The following DMXL2 variants were observed in gnomAD, a reference collection of about 807,000 sequenced individuals.
DMXL2 encodes the protein Dmx like 2, also known as dmX-like protein 2.
DMXL2 carries 103 observed loss-of-function variants against 331.1 expected under a neutral mutation model. The observed-to-expected ratio is 0.31, with a 90% CI of 0.27 to 0.37. DMXL2 has a LOEUF of 0.37. Among genes scored for constraint, DMXL2 ranks in the 10% least tolerant of loss-of-function variants. The pLI is 1.00. For synonymous variants in DMXL2, 1,281 were observed against 1,252.1 expected (o/e 1.02, Z -0.49); for missense variants, 3,171 against 3,642.9 (o/e 0.87, Z 3.33).
chr15:51,542,587 GGT>G, intron 8 of DMXL2, 80 bp from the exon 9 acceptor site: 2 of 1,104,254 alleles, frequency 1.8e-6, no homozygotes, highest in Non-Finnish European at 2.5e-6. Context: ...ATTATTAAGA[GGT>G]TTAAGATTTT....
At chr15:51,471,594 A>G (rs1325385403) in intron 28 of DMXL2, among the ~76,000 whole-genome samples, 193 bp from the exon 29 acceptor site, 1 of 152,216 alleles carries the variant, frequency 6.6e-6, no homozygotes, top group Non-Finnish European at 1.5e-5. Flanking sequence ...ATGGAGATAA[A>G]GCATTAAAGC....
In DMXL2 at chr15:51,573,020, T is replaced by C. The variant is rs147591979; in HGVS notation, c.213+3036A>G. Reference sequence around the variant, plus strand: ...TATCTCTGTTTGCAGATGACATGATTGTATATTTAGAAAACCCCATTGTCT... The same window carrying C: ...TATCTCTGTTTGCAGATGACATGATCGTATATTTAGAAAACCCCATTGTCT... On this transcript the variant is annotated intron_variant, in intron 2 of 43. Transcript: ENST00000560891. Among the ~76,000 whole-genome samples, 8 of 152,292 alleles carry C rather than the reference T, an allele frequency of 5.3e-5. No homozygotes were observed. The East Asian group carries it at 1.5e-3, about 29-fold the overall frequency.
chr15:51,568,872 A>G (rs754025179), intron 2 of DMXL2, among the ~76,000 whole-genome samples: 4 of 152,152 alleles, frequency 2.6e-5, no homozygotes, highest in Non-Finnish European at 5.9e-5. Context: ...ATGGACACAG[A>G]AGGCAGGTGA....
intron 1 of DMXL2, among the ~76,000 whole-genome samples, chr15:51,611,205 T>C (rs1440732967): frequency 1.3e-5 from 2 of 152,102 alleles, no homozygotes; most frequent in African/African-American, 4.8e-5. Context: ...AAAAGATTAA[T>C]AAAGTTGATA....
intron 13 of DMXL2, among the ~76,000 whole-genome samples, chr15:51,531,075 G>C (rs1169973100): frequency 5.3e-5 from 8 of 152,068 alleles, no homozygotes; most frequent in Admixed American, 4.6e-4. Context: ...AATAGCCAAA[G>C]CTATCCTAAG....
intron 1 of DMXL2, among the ~76,000 whole-genome samples, chr15:51,590,790 C>A (rs1337772939): frequency 6.6e-6 from 1 of 152,178 alleles, no homozygotes; most frequent in African/African-American, 2.4e-5. Context: ...ACCAGGCACA[C>A]AGGGCATAAT....
intron 2 of DMXL2, among the ~76,000 whole-genome samples, chr15:51,569,151 G>A (rs2050487529): frequency 6.6e-6 from 1 of 152,152 alleles, no homozygotes. Context: ...GGTTCAGCGG[G>A]TCCCACCCCC....
chr15:51,517,022 TA>T (rs1381806205), intron 14 of DMXL2, 55 bp downstream of exon 14: 1 of 1,378,258 alleles, frequency 7.3e-7, no homozygotes, highest in African/African-American at 1.4e-5. Flanking sequence ...CATATACATA[TA>T]AAACACCATG....
intron 13 of DMXL2, among the ~76,000 whole-genome samples, chr15:51,523,705 G>A (rs533075953): frequency 1.7e-3 from 260 of 152,316 alleles, no homozygotes; most frequent in Non-Finnish European, 3.2e-3. Context: ...AGGACTGCCA[G>A]GAGCAATCTA....
At chr15:51,539,656 A>C (rs188808057) in intron 9 of DMXL2, among the ~76,000 whole-genome samples, 1 of 152,182 alleles carries the variant, frequency 6.6e-6, no homozygotes, top group East Asian at 1.9e-4. Context: ...AAAAACTACA[A>C]AAATTAGCCA....
At chr15:51,518,898 T>G (rs2047185718) in intron 13 of DMXL2, among the ~76,000 whole-genome samples, 1 of 152,202 alleles carries the variant, frequency 6.6e-6, no homozygotes, top group Non-Finnish European at 1.5e-5. Context: ...TAGTGGAAGA[T>G]ACTACTGGAA....
chr15:51,539,001 G>C (rs1282559089), intron 9 of DMXL2, among the ~76,000 whole-genome samples: 1 of 151,910 alleles, frequency 6.6e-6, no homozygotes, highest in Non-Finnish European at 1.5e-5. Context: ...CCTGAGCTCA[G>C]GAGATCGAGA....
Position 51,564,213 on chromosome 15 carries a change from G to C in DMXL2, c.412C>G (p.Pro138Ala), listed in dbSNP as rs748555822. 3.7e-6 allele frequency: 6 copies of C among 1,608,874 alleles called. No individual in the cohort carries two copies. Among genetic ancestry groups the C allele is most frequent in the Non-Finnish European group, 5.1e-6 (6 of 1,177,966 alleles). ...TCCTCTTCCAGAATATCATCTCCTG[G>C]AGGAGCCCACAACTGAATAGAATCA... The part of the protein sequence containing the change: ...ATDSIQLWAP[P>A]GDDILEEEEE... Residue 138 changes from proline to alanine, a missense_variant, in exon 5 of 44, where the codon CCA (proline) becomes GCA (alanine). Pro to Ala is a conservative substitution (Grantham distance 27). This residue lies in a region of DMXL2 where 1,674 missense variants were observed against 1,780.2 expected (regional missense o/e 0.94). Transcript: ENST00000560891.
chr15:51,532,435 A>G (rs1316253139), intron 13 of DMXL2, among the ~76,000 whole-genome samples: 1 of 152,178 alleles, frequency 6.6e-6, no homozygotes, highest in Non-Finnish European at 1.5e-5. Flanking sequence ...GTACAAAAAA[A>G]TAGTTAGAAT....
intron 19 of DMXL2, among the ~76,000 whole-genome samples, chr15:51,492,544 A>ATTC (rs2042886184): frequency 6.6e-6 from 1 of 152,182 alleles, no homozygotes; most frequent in East Asian, 1.9e-4. Flanking sequence ...GGCTGTTTGA[A>ATTC]GAGGCAACAA....
intron 41 of DMXL2, among the ~76,000 whole-genome samples, chr15:51,452,649 A>G (rs1021943700): frequency 6.6e-6 from 1 of 152,196 alleles, no homozygotes; most frequent in African/African-American, 2.4e-5. Flanking sequence ...GTGGGAATGT[A>G]AACTAGTAAA....
chr15:51,557,140 T>C (rs1308847716), intron 6 of DMXL2, among the ~76,000 whole-genome samples: 1 of 152,178 alleles, frequency 6.6e-6, no homozygotes, highest in Non-Finnish European at 1.5e-5. Context: ...TGTGTACATA[T>C]AAAATCCAAA....
intron 31 of DMXL2, 101 bp downstream of exon 31, chr15:51,465,465 T>C (rs2040489128): frequency 2.5e-5 from 21 of 856,316 alleles, no homozygotes; most frequent in Admixed American, 4.8e-5. Context: ...TAATGCACTA[T>C]TTTTTAAGTA....
At chr15:51,449,833 A>C (rs555698892) in intron 43 of DMXL2, among the ~76,000 whole-genome samples, 2 of 152,286 alleles carry the variant, frequency 1.3e-5, no homozygotes, top group Non-Finnish European at 2.9e-5. Flanking sequence ...CTAAGGAGCC[A>C]AACTAATGTC....
Sources: gnomAD v4.1 joint callset for allele counts (sites outside exome capture counted in the v4.1 genomes callset) on GRCh38, gnomAD v4.1.1 for gene constraint, gnomAD v4.1.1 regional missense constraint, MANE v1.5 for transcripts, NCBI Gene and HGNC (gene_info 2026-07-23, HGNC 2026-07-21) for gene names.